The following KCND2 variants were observed in gnomAD, a reference collection of about 807,000 sequenced individuals.
KCND2 encodes A-type voltage-gated potassium channel KCND2.
Under a neutral mutation model 54.4 loss-of-function variants are expected in KCND2, and 16 were observed. The ratio of observed to expected loss-of-function variants is 0.29; its 90% confidence interval spans 0.20 to 0.45. KCND2 has a LOEUF of 0.45. Ranked by LOEUF, KCND2 falls within the 20% of genes least tolerant of loss-of-function variation. KCND2 has a pLI of 1.00. For missense variants in KCND2, 486 were observed against 824.2 expected, an observed-to-expected ratio of 0.59 and a Z score of 5.02; for synonymous variants, 317 against 310.7, an observed-to-expected ratio of 1.02 and a Z score of -0.21.
At chr7:120,733,838 G>C (rs1201230480) in intron 2 of KCND2, among the ~76,000 whole-genome samples, 1 of 151,968 alleles carries the variant, frequency 6.6e-6, no homozygotes, top group Non-Finnish European at 1.5e-5. Flanking sequence ...TAAATAATAA[G>C]ATTAAGATTA....
intron 1 of KCND2, among the ~76,000 whole-genome samples, chr7:120,385,798 T>A (rs1800979663): frequency 6.6e-6 from 1 of 152,114 alleles, no homozygotes; most frequent in South Asian, 2.1e-4. Flanking sequence ...CATATACCGG[T>A]ATTTTTGTAG....
At chr7:120,341,660 C>T (rs554360315) in intron 1 of KCND2, among the ~76,000 whole-genome samples, 1 of 152,056 alleles carries the variant, frequency 6.6e-6, no homozygotes, top group East Asian at 1.9e-4. Flanking sequence ...TATTTGGCTG[C>T]AATAGAGTGG....
intron 1 of KCND2, among the ~76,000 whole-genome samples, chr7:120,287,873 T>C: frequency 6.6e-6 from 1 of 152,096 alleles, no homozygotes; most frequent in East Asian, 1.9e-4. Context: ...AACTATGATC[T>C]ACTAGCTAAA....
intron 1 of KCND2, among the ~76,000 whole-genome samples, chr7:120,576,719 CTGAAGG>C (rs1361327379): frequency 6.6e-6 from 1 of 151,984 alleles, no homozygotes; most frequent in Non-Finnish European, 1.5e-5. Context: ...AGGCCAATAT[CTGAAGG>C]TGAGAAGAAT....
chr7:120,378,697 C>T (rs571478622), intron 1 of KCND2, among the ~76,000 whole-genome samples: 7 of 151,910 alleles, frequency 4.6e-5, no homozygotes, highest in African/African-American at 7.2e-5. Flanking sequence ...GGGATGATTT[C>T]GGCTTTCAAC....
At chr7:120,625,536 T>A (rs1012659995) in intron 1 of KCND2, among the ~76,000 whole-genome samples, 15 of 152,274 alleles carry the variant, frequency 9.9e-5, no homozygotes, top group African/African-American at 3.6e-4. Context: ...TGAGATAGAG[T>A]AATTCATTTA....
chr7:120,288,664 G>A (rs1799385056), intron 1 of KCND2, among the ~76,000 whole-genome samples: 1 of 152,108 alleles, frequency 6.6e-6, no homozygotes, highest in Admixed American at 6.6e-5. Context: ...ACAAAAGGCT[G>A]ATTGAAGATT....
chr7:120,596,797 G>A lies in KCND2; in HGVS notation c.1116-136106G>A, dbSNP rs13223553. Among the ~76,000 whole-genome samples the A allele has an allele frequency of 2.4e-3, 358 of 152,256 alleles. 1 individual carries two copies. The highest frequency in any genetic ancestry group is 3.9e-3 in the Admixed American group (59 of 15,288). ...AAGATTCAGTGTCCACCCCAATGAA[G>A]TTCATGGTCTACATGGAAAAATAAA... is the stretch of plus-strand genomic sequence containing the variant. On this transcript the variant is annotated intron_variant, in intron 1 of 5. Transcript: ENST00000331113.
At chr7:120,671,071 T>C (rs1415256748) in intron 1 of KCND2, among the ~76,000 whole-genome samples, 1 of 152,090 alleles carries the variant, frequency 6.6e-6, no homozygotes, top group Non-Finnish European at 1.5e-5. Context: ...TTCCAACTTA[T>C]GTTTGTGCAT....
chr7:120,426,092 T>C (rs1301268999), intron 1 of KCND2, among the ~76,000 whole-genome samples: 1 of 152,118 alleles, frequency 6.6e-6, no homozygotes, highest in Non-Finnish European at 1.5e-5. Flanking sequence ...TAAGAAAATA[T>C]CTTCTAGGTC....
chr7:120,455,567 G>A (rs1802186609), intron 1 of KCND2, among the ~76,000 whole-genome samples: 1 of 152,152 alleles, frequency 6.6e-6, no homozygotes, highest in Admixed American at 6.5e-5. Context: ...TAATAGCGAA[G>A]ACATGGAATC....
At chr7:120,611,500 T>G (rs977057969) in intron 1 of KCND2, among the ~76,000 whole-genome samples, 1 of 152,122 alleles carries the variant, frequency 6.6e-6, no homozygotes, top group Non-Finnish European at 1.5e-5. Context: ...GTTTTTGCGA[T>G]TTTTATTTGC....
At chr7:120,659,125 G>T (rs1791837410) in intron 1 of KCND2, among the ~76,000 whole-genome samples, 1 of 152,174 alleles carries the variant, frequency 6.6e-6, no homozygotes, top group African/African-American at 2.4e-5. Flanking sequence ...AGTGCAAAAG[G>T]AGAAGCAGCA....
At chr7:120,674,627 C>A (rs772689089) in intron 1 of KCND2, among the ~76,000 whole-genome samples, 1 of 152,016 alleles carries the variant, frequency 6.6e-6, no homozygotes, top group Non-Finnish European at 1.5e-5. Context: ...AGATAAACAC[C>A]CTAATCCCTC....
intron 1 of KCND2, among the ~76,000 whole-genome samples, chr7:120,433,713 T>C (rs1297037288): frequency 6.6e-6 from 1 of 152,216 alleles, no homozygotes; most frequent in African/African-American, 2.4e-5. Flanking sequence ...TAATGATACT[T>C]TGTAGCCATG....
chr7:120,709,638 T>G (rs1344619339), intron 1 of KCND2, among the ~76,000 whole-genome samples: 1 of 152,158 alleles, frequency 6.6e-6, no homozygotes, highest in African/African-American at 2.4e-5. Context: ...AGAAAACATG[T>G]GTTAAGGGTA....
intron 1 of KCND2, among the ~76,000 whole-genome samples, chr7:120,645,512 G>T (rs754217005): frequency 6.6e-6 from 1 of 152,090 alleles, no homozygotes; most frequent in African/African-American, 2.4e-5. Flanking sequence ...TGTGTTTCAC[G>T]GCTGGCCACA....
At chr7:120,715,261 A>G (rs1348129125) in intron 1 of KCND2, among the ~76,000 whole-genome samples, 1 of 151,050 alleles carries the variant, frequency 6.6e-6, no homozygotes, top group Non-Finnish European at 1.5e-5. Context: ...ATTAATTCCG[A>G]AAAAAAAATA....
chr7:120,716,892 GC>G (rs1792609861), intron 1 of KCND2, among the ~76,000 whole-genome samples: 1 of 152,062 alleles, frequency 6.6e-6, no homozygotes, highest in African/African-American at 2.4e-5. Context: ...CCCGGTGGAT[GC>G]CTCAAACCAA....
Sources: allele counts gnomAD v4.1 joint callset (sites outside exome capture counted in the v4.1 genomes callset), GRCh38; gene constraint gnomAD v4.1.1; transcripts MANE v1.5; gene names NCBI Gene and HGNC (gene_info 2026-07-23, HGNC 2026-07-21).